CASP10: variants seen among roughly 807,000 people sequenced by gnomAD.
The protein encoded by CASP10 is caspase 10.
CASP10 carries 41 observed loss-of-function variants against 48.5 expected under a neutral mutation model. The ratio of observed to expected loss-of-function variants is 0.85; its 90% confidence interval spans 0.66 to 1.10. The LOEUF is 1.10. Among genes scored for constraint, CASP10 ranks in the 50% least tolerant of loss-of-function variants. The pLI is 0.00. For synonymous variants in CASP10, 232 were observed against 238.4 expected (o/e 0.97, Z 0.25); for missense variants, 614 against 614.5 (o/e 1.00, Z 0.01).
chr2:201,200,610 C>A, intron 5 of CASP10: 1 of 1,490,094 alleles, frequency 6.7e-7, no homozygotes, highest in Non-Finnish European at 8.9e-7. Context: ...CTGCCCTGAA[C>A]CTCATTCGGC....
At chr2:201,211,318 C>CA (rs1460523338) in intron 9 of CASP10, among the ~76,000 whole-genome samples, 1 of 152,210 alleles carries the variant, frequency 6.6e-6, no homozygotes, top group East Asian at 1.9e-4. Flanking sequence ...CACTGTGCAG[C>CA]AGAACACCAG....
In CASP10 at chr2:201,218,069, G is replaced by A. The variant is rs762924575; in HGVS notation, c.*328G>A. On this transcript the variant is annotated 3_prime_UTR_variant, in exon 10 of 10. Coordinates refer to ENST00000286186, the MANE Select transcript of CASP10 (RefSeq NM_032977.4). ...GCTGGGACCACAGGTGTGTACCACC[G>A]TGCCCGGATTTTTTTTATTCTTTAT... The A allele has an allele frequency of 2.0e-5, 14 of 711,082 alleles. No individual in the cohort carries two copies. The highest frequency in any genetic ancestry group is 5.9e-4 in the Middle Eastern group (1 of 1,694). 44.0% of individuals were successfully genotyped at this position (711,082 alleles called of 1,614,324 possible).
rs932343702 is a variant in CASP10 at position 201,219,021 on chromosome 2, GT to G, written c.*1281del. 1.0e-6 allele frequency: 1 copy of G among 979,468 alleles called. No homozygotes were observed. The highest frequency in any genetic ancestry group is 1.2e-6 in the Non-Finnish European group (1 of 824,610). 60.7% of individuals were successfully genotyped at this position (979,468 alleles called of 1,614,324 possible). ...GCGGTGACTCATGCCTGTAATCCCA[GT>G]ACTCTGGGAAGCCAAGGCAGGCAGA... On this transcript the variant is annotated 3_prime_UTR_variant, in exon 10 of 10. Coordinates refer to ENST00000286186, the MANE Select transcript of CASP10 (RefSeq NM_032977.4).
Position 201,215,598 on chromosome 2 carries a change from G to A in CASP10, c.1416-1990G>A, listed in dbSNP as rs41466054. Among the ~76,000 whole-genome samples the A allele has an allele frequency of 1.5e-3, 228 of 152,102 alleles. 2 individuals carry two copies. The highest frequency in any genetic ancestry group is 5.4e-3 in the African/African-American group (224 of 41,496). On this transcript the variant is annotated intron_variant, in intron 9 of 9. Coordinates refer to ENST00000286186, the MANE Select transcript of CASP10 (RefSeq NM_032977.4). ...AATTTATTTCTGGGATCTATATTCTGTTCTATTGATCTATGTGTCTGTTTT... is the reference window on the plus strand; with the variant it reads ...AATTTATTTCTGGGATCTATATTCTATTCTATTGATCTATGTGTCTGTTTT...
chr2:201,224,592 C>G (rs1945765630), downstream of CASP10, among the ~76,000 whole-genome samples: 1 of 152,156 alleles, frequency 6.6e-6, no homozygotes, highest in East Asian at 1.9e-4. Context: ...CCAGTCCTCC[C>G]CACTTCTGCA....
chr2:201,197,931 A>T (rs1944862469), intron 5 of CASP10, among the ~76,000 whole-genome samples: 1 of 152,170 alleles, frequency 6.6e-6, no homozygotes, highest in Non-Finnish European at 1.5e-5. Context: ...AGGAACCTTC[A>T]TTCTATTTTC....
At position 201,209,344 on chromosome 2, in the gene CASP10, G is replaced by T. The variant is rs199626441; in HGVS notation, c.1197G>T (p.Gln399His). 4.3e-6 allele frequency: 7 copies of T among 1,613,958 alleles called. No individual in the cohort carries two copies. Among genetic ancestry groups the T allele is most frequent in the African/African-American group, 1.3e-5 (1 of 74,886 alleles). The change falls in exon 9 of 10, where the codon CAG becomes CAT. Residue 399 changes from glutamine (Q) to histidine (H), a missense_variant. Gln to His is a conservative substitution (Grantham distance 24, BLOSUM62 0). Coordinates refer to ENST00000286186, the MANE Select transcript of CASP10 (RefSeq NM_032977.4). ...AAAAACCTAAACTCTTTTTCATCCA[G>T]GCCTGCCAAGGTGAAGAGATACAGC... ...LAEKPKLFFI[Q>H]ACQGEEIQPS...
Position 201,219,326 on chromosome 2 carries a change from A to G in CASP10, c.*1585A>G, listed in dbSNP as rs1945663198. The G allele has an allele frequency of 1.9e-6, 1 of 528,356 alleles. No individual in the cohort carries two copies. The highest frequency in any genetic ancestry group is 8.3e-5 in the South Asian group (1 of 12,110). 32.7% of individuals were successfully genotyped at this position (528,356 alleles called of 1,614,324 possible). On this transcript the variant is annotated 3_prime_UTR_variant, in exon 10 of 10. Transcript: ENST00000286186. ...TTCAGTTGCCATTGACAGAACACCC[A>G]ATTCAAATTGACTGAAGCAAAGAAG...
At chr2:201,222,155 T>C (rs1945733188), downstream of CASP10, among the ~76,000 whole-genome samples, 1 of 152,104 alleles carries the variant, frequency 6.6e-6, no homozygotes, top group Non-Finnish European at 1.5e-5. Context: ...TTTGCCTAGT[T>C]GTACTCACCT....
At chr2:201,198,242 G>A (rs888676717) in intron 5 of CASP10, among the ~76,000 whole-genome samples, 1 of 59,910 alleles carries the variant, frequency 1.7e-5, no homozygotes, top group African/African-American at 6.6e-5. Context: ...TTTTTTTTTT[G>A]AGACGGAGTC....
chr2:201,203,533 C>T (rs1366563789), intron 5 of CASP10, among the ~76,000 whole-genome samples, 197 bp from the exon 6 acceptor site: 1 of 152,164 alleles, frequency 6.6e-6, no homozygotes, highest in Non-Finnish European at 1.5e-5. Flanking sequence ...TCTCGAACTC[C>T]TGACCTCAGG....
chr2:201,205,792 T>A lies in CASP10; in HGVS notation c.722-90T>A, dbSNP rs1375674392. On this transcript the variant is annotated intron_variant, in intron 6 of 9. Coordinates refer to ENST00000286186, the MANE Select transcript of CASP10 (RefSeq NM_032977.4). The stretch of plus-strand genomic sequence containing the variant: ...TCTCAGGAGGGCCTTGAGAGAAGCA[T>A]AATTCTCCAGAATTAGATGCGAAAA... 3 of 826,630 alleles carry A rather than the reference T, an allele frequency of 3.6e-6. No homozygotes were observed. In the African/African-American group the frequency reaches 5.0e-5, roughly 14 times the overall value. 51.2% of individuals were successfully genotyped at this position (826,630 alleles called of 1,614,324 possible).
At chr2:201,189,394 G>C (rs1383222051) in intron 3 of CASP10, among the ~76,000 whole-genome samples, 1 of 151,138 alleles carries the variant, frequency 6.6e-6, no homozygotes, top group African/African-American at 2.4e-5. Context: ...TCAGCCTCCT[G>C]AATATCTGGG....
chr2:201,206,012 A>T lies in CASP10; in HGVS notation c.813+39A>T, dbSNP rs6712872. 0.49 allele frequency: 630,023 copies of T among 1,288,226 alleles called. 163,136 individuals are homozygous for T. The highest frequency in any genetic ancestry group is 0.69 in the African/African-American group (45,618 of 66,578). 79.8% of individuals were successfully genotyped at this position (1,288,226 alleles called of 1,614,324 possible). A position where few individuals can be genotyped will look rare whatever the true frequency, so the allele number is the denominator to read the frequency against. ...CTTTTATTCCTTTTTTAATAAAAAAATTTTTTTTCCAAATTTAATCAAAAG... is the reference window on the plus strand; with the variant it reads ...CTTTTATTCCTTTTTTAATAAAAAATTTTTTTTTCCAAATTTAATCAAAAG... On this transcript the variant is annotated intron_variant, in intron 7 of 9. Transcript: ENST00000286186.
chr2:201,201,897 AAAATT>A (rs1370164765), intron 5 of CASP10, among the ~76,000 whole-genome samples: 1 of 152,138 alleles, frequency 6.6e-6, no homozygotes, highest in Non-Finnish European at 1.5e-5. Context: ...AATATGTTTA[AAAATT>A]AAATTTATTT....
chr2:201,205,876 T>G lies in CASP10; in HGVS notation c.722-6T>G. The G allele has an allele frequency of 6.3e-7, 1 of 1,576,876 alleles. No individual in the cohort carries two copies. Among genetic ancestry groups the G allele is most frequent in the Non-Finnish European group, 8.7e-7 (1 of 1,146,184 alleles). On this transcript the variant is annotated splice_region_variant and splice_polypyrimidine_tract_variant and intron_variant, in intron 6 of 9. Coordinates refer to ENST00000286186, the MANE Select transcript of CASP10 (RefSeq NM_032977.4). ...ATATTTGGAGTCTGAGTACCTCTCT[T>G]TCTAGGTAACAGAGCCACAAATGGT...
Position 201,193,054 on chromosome 2 carries a change from AG to A in CASP10, c.514del (p.Asp172ThrfsTer11). 6.2e-7 allele frequency: 1 copy of A among 1,613,756 alleles called. No individual in the cohort carries two copies. Among genetic ancestry groups the A allele is most frequent in the Non-Finnish European group, 8.5e-7 (1 of 1,179,654 alleles). ...KIDEDNLTCL[E>X]DLCKTVVPKL... The stretch of plus-strand genomic sequence containing the variant: ...GATGAAGATAATCTGACATGCCTGG[AG>A]GACCTCTGCAAAACAGTTGTACCTA... On this transcript the variant is annotated frameshift_variant, in exon 4 of 10. Coordinates refer to ENST00000286186, the MANE Select transcript of CASP10 (RefSeq NM_032977.4). LOFTEE classifies it high-confidence loss of function.
At position 201,195,928 on chromosome 2, in the gene CASP10, A is replaced by G. The variant is rs763551197; in HGVS notation, c.664A>G (p.Thr222Ala). Residue 222 changes from threonine (T) to alanine (A), a missense_variant, in exon 5 of 10, where the codon ACA becomes GCA. By Grantham distance (58) the Thr-to-Ala change is moderately conservative. Transcript: ENST00000286186. ...ACTAGTTTCCCAAACAGATGTTAAG[A>G]CATTCTTGGAAGCCTTACCGGTAGG... Reference protein sequence around the residue: ...EELVSQTDVKTFLEALPQESW... With the variant: ...EELVSQTDVKAFLEALPQESW... 1.5e-5 allele frequency: 24 copies of G among 1,613,360 alleles called. No homozygotes were observed. Among genetic ancestry groups the G allele is most frequent in the East Asian group, 1.3e-4 (6 of 44,892 alleles).
In CASP10 at chr2:201,218,442, A is replaced by G; in HGVS notation, c.*701A>G. 1.5e-6 allele frequency: 1 copy of G among 677,810 alleles called. No individual in the cohort carries two copies. The allele number at this position is 677,810 out of a possible 1,614,324, so 42.0% of individuals were successfully genotyped here. A position where few individuals can be genotyped will look rare whatever the true frequency, so the allele number is the denominator to read the frequency against. On this transcript the variant is annotated 3_prime_UTR_variant, in exon 10 of 10. Coordinates refer to ENST00000286186, the MANE Select transcript of CASP10 (RefSeq NM_032977.4). Reference sequence around the variant, plus strand: ...CTCAGCCTCCCAAGTAGCTGAGACTACAGGTGTGTGTCCATGCACAGCTAA... The same window carrying G: ...CTCAGCCTCCCAAGTAGCTGAGACTGCAGGTGTGTGTCCATGCACAGCTAA...
Sources: gnomAD v4.1 joint callset for allele counts (sites outside exome capture counted in the v4.1 genomes callset) on GRCh38, gnomAD v4.1.1 for gene constraint, MANE v1.5 for transcripts, NCBI Gene and HGNC (gene_info 2026-07-23, HGNC 2026-07-21) for gene names.